Variants in ACO2 observed in about 807,000 individuals in gnomAD.
The protein encoded by ACO2 is aconitate hydratase, mitochondrial.
In ACO2, 31 loss-of-function variants were observed where a neutral mutation model predicts 84.5. The ratio of observed to expected loss-of-function variants is 0.37; its 90% CI spans 0.28 to 0.50. ACO2 has a LOEUF of 0.50. ACO2 is among the 20% of genes least tolerant of loss of function. The pLI is 0.97. For missense variants in ACO2, 685 were observed against 1,029.3 expected (o/e 0.67, Z 4.58); for synonymous variants, 414 against 412.7 (o/e 1.00, Z -0.04).
chr22:41,521,225 G>C (rs1030521085), intron 9 of ACO2: 2 of 152,334 alleles, frequency 1.3e-5, no homozygotes, highest in Admixed American at 1.3e-4. Context: ...TGTATTGTGT[G>C]CATAGATTTT....
chr22:41,521,251 A>G (rs1470073751), intron 9 of ACO2: 1 of 152,204 alleles, frequency 6.6e-6, no homozygotes, highest in Non-Finnish European at 1.5e-5. Flanking sequence ...TTTACATTTT[A>G]TATCACCCAT....
rs1039821107 is a variant in ACO2, at chr22:41,511,321, A to G, written c.433-555A>G. On this transcript the variant is annotated intron_variant, in intron 3 of 17. Transcript: ENST00000216254. ...CGAGTAACTGGAATTACAGGTGTGC[A>G]CTACCATGCCTGGCTAATTTTTGTA... Among the ~76,000 whole-genome samples, 36 of 152,264 alleles carry G rather than the reference A, an allele frequency of 2.4e-4. 1 individual carries two copies. The highest frequency in any genetic ancestry group is 3.4e-3 in the Middle Eastern group (1 of 294).
intron 2 of ACO2, among the ~76,000 whole-genome samples, chr22:41,501,241 G>A (rs1438607176): frequency 6.6e-6 from 1 of 151,876 alleles, no homozygotes; most frequent in Non-Finnish European, 1.5e-5. Flanking sequence ...GCTCAAAACT[G>A]TTCTCCCACC....
chr22:41,512,710 G>T (rs2066443502), intron 4 of ACO2, among the ~76,000 whole-genome samples: 1 of 152,236 alleles, frequency 6.6e-6, no homozygotes, highest in Admixed American at 6.5e-5. Context: ...GGGCTCCTCT[G>T]AGGTGTCCCA....
rs748567064 is a variant in ACO2, at chr22:41,523,815, C to T, written c.1371-15C>T. On this transcript the variant is annotated splice_polypyrimidine_tract_variant and intron_variant, in intron 11 of 17. Coordinates refer to ENST00000216254, the MANE Select transcript of ACO2 (RefSeq NM_001098.3). ...AGGCCAGATATCCCTAACCCTGATCCCTCTGACCTGGCAGGAAGGACATCA... is the reference window on the plus strand; with the variant it reads ...AGGCCAGATATCCCTAACCCTGATCTCTCTGACCTGGCAGGAAGGACATCA... The T allele has an allele frequency of 1.2e-6, 2 of 1,607,186 alleles. No homozygotes were observed.
intron 1 of ACO2, among the ~76,000 whole-genome samples, chr22:41,486,324 C>T (rs202609): frequency 0.015 from 2,262 of 151,962 alleles, 65 homozygotes; most frequent in African/African-American, 0.052. Context: ...GACGGAGTCT[C>T]GCTCTGTCAC....
intron 1 of ACO2, among the ~76,000 whole-genome samples, chr22:41,494,066 G>A (rs1304387209): frequency 6.6e-6 from 1 of 152,172 alleles, no homozygotes; most frequent in Admixed American, 6.5e-5. Context: ...AAGTCCTCTT[G>A]GACAGCACTG....
At chr22:41,522,164 AC>A (rs1346856427) in intron 9 of ACO2, among the ~76,000 whole-genome samples, 1 of 152,194 alleles carries the variant, frequency 6.6e-6, no homozygotes, top group Non-Finnish European at 1.5e-5. Flanking sequence ...CTTTGTCTCT[AC>A]AAAAACAATT....
At chr22:41,476,247 A>C (rs1383886846) in intron 1 of ACO2, among the ~76,000 whole-genome samples, 4 of 150,808 alleles carry the variant, frequency 2.7e-5, no homozygotes, top group African/African-American at 9.8e-5. Flanking sequence ...GTCTGTACTT[A>C]AAATACAAAA....
At chr22:41,508,605 CT>C (rs1309543958) in intron 3 of ACO2, among the ~76,000 whole-genome samples, 1 of 152,214 alleles carries the variant, frequency 6.6e-6, no homozygotes, top group Non-Finnish European at 1.5e-5. Flanking sequence ...GAGGAGCCTC[CT>C]TTGGGGGCCA....
chr22:41,510,563 T>G (rs1416890868), intron 3 of ACO2, among the ~76,000 whole-genome samples: 1 of 152,226 alleles, frequency 6.6e-6, no homozygotes, highest in Non-Finnish European at 1.5e-5. Context: ...GGGCACTGGC[T>G]GAGGTCCCTT....
At chr22:41,527,561 T>C (rs1384885894) in intron 16 of ACO2, 141 bp downstream of exon 16, 1 of 1,213,316 alleles carries the variant, frequency 8.2e-7, no homozygotes, top group Non-Finnish European at 1.1e-6. Flanking sequence ...TGCCCCTTCT[T>C]AGGCTCACAC....
intron 1 of ACO2, among the ~76,000 whole-genome samples, chr22:41,475,037 G>A (rs1056861313): frequency 6.6e-5 from 10 of 151,752 alleles, no homozygotes; most frequent in Non-Finnish European, 4.4e-5. Context: ...GCCCTCACTT[G>A]AGTCGAGTAT....
chr22:41,482,929 A>G (rs1433873167), intron 1 of ACO2, among the ~76,000 whole-genome samples: 2 of 152,250 alleles, frequency 1.3e-5, no homozygotes, highest in Admixed American at 6.5e-5. Flanking sequence ...TTTAAGAAGC[A>G]TTAGTTTAAA....
intron 1 of ACO2, among the ~76,000 whole-genome samples, chr22:41,480,767 C>T (rs1339682421): frequency 3.9e-5 from 6 of 152,192 alleles, no homozygotes; most frequent in Admixed American, 3.3e-4. Context: ...GACTTTTCCT[C>T]TGTATTTACA....
intron 9 of ACO2, 69 bp from the exon 10 acceptor site, chr22:41,522,761 G>A: frequency 6.5e-7 from 1 of 1,549,094 alleles, no homozygotes; most frequent in Non-Finnish European, 8.8e-7. Flanking sequence ...TGGATAATTT[G>A]AAGTCAGGTG....
chr22:41,486,343 G>C (rs2038154841), intron 1 of ACO2, among the ~76,000 whole-genome samples: 1 of 152,088 alleles, frequency 6.6e-6, no homozygotes, highest in Admixed American at 6.6e-5. Flanking sequence ...ACCCAGGCTG[G>C]AGTGCAGTGG....
chr22:41,516,016 C>T (rs1412313615), intron 6 of ACO2, 99 bp downstream of exon 6: 1 of 1,469,406 alleles, frequency 6.8e-7, no homozygotes, highest in Non-Finnish European at 9.3e-7. Flanking sequence ...ACTTGAGAAT[C>T]TGTCTGTTCC....
At chr22:41,526,560 C>T (rs2066601129) in intron 15 of ACO2, 107 bp downstream of exon 15, 1 of 1,314,968 alleles carries the variant, frequency 7.6e-7, no homozygotes, top group Non-Finnish European at 1.0e-6. Flanking sequence ...GGAGGCCGAC[C>T]AAGCCCAAAG....
Sources: gnomAD v4.1 joint callset for allele counts (sites outside exome capture counted in the v4.1 genomes callset) on GRCh38, gnomAD v4.1.1 for gene constraint, MANE v1.5 for transcripts, NCBI Gene and HGNC (gene_info 2026-07-23, HGNC 2026-07-21) for gene names.